Variants in APBA1 observed in about 807,000 individuals in gnomAD.
APBA1 encodes amyloid-beta A4 precursor protein-binding family A member 1.
In APBA1, 55 loss-of-function variants were observed where a neutral mutation model predicts 86.6. The observed-to-expected ratio is 0.64, with a 90% CI of 0.51 to 0.80. The LOEUF (loss-of-function observed/expected upper bound fraction) is 0.80, where lower values mean the gene tolerates loss of function less well. Ranked by LOEUF, APBA1 falls within the 30% of genes least tolerant of loss-of-function variation. The probability of loss-of-function intolerance (pLI) is 0.00; values close to 1 mark genes in which losing one functional copy is unlikely to be tolerated. For missense variants in APBA1, 1,090 were observed against 1,183.0 expected, an observed-to-expected ratio of 0.92 and a Z score of 1.15; for synonymous variants, 511 against 493.9, an observed-to-expected ratio of 1.03 and a Z score of -0.46.
chr9:69,534,426 G>A (rs181826060), intron 1 of APBA1, among the ~76,000 whole-genome samples: 11 of 152,272 alleles, frequency 7.2e-5, no homozygotes, highest in Admixed American at 7.2e-4. Context: ...CTTTTTCCAT[G>A]TTCTCTTTCA....
At chr9:69,521,661 G>A (rs1836254245) in intron 1 of APBA1, among the ~76,000 whole-genome samples, 1 of 152,226 alleles carries the variant, frequency 6.6e-6, no homozygotes, top group Non-Finnish European at 1.5e-5. Flanking sequence ...AAATGACTGA[G>A]GAGAGGACAT....
At chr9:69,470,924 G>A (rs1443494869) in intron 4 of APBA1, among the ~76,000 whole-genome samples, 2 of 152,160 alleles carry the variant, frequency 1.3e-5, no homozygotes, top group African/African-American at 4.8e-5. Flanking sequence ...TAGAGTAGGT[G>A]CCCTTGTGCA....
rs150687803 is a variant in APBA1, at chr9:69,600,368, G to A, written c.-70+71785C>T. Among the ~76,000 whole-genome samples the A allele has an allele frequency of 1.1e-3, 173 of 152,270 alleles. 1 individual carries two copies. The highest frequency in any genetic ancestry group is 4.0e-3 in the African/African-American group (168 of 41,552). The stretch of plus-strand genomic sequence containing the variant: ...CCTTTGCTTCCTCATCTGTAAAATG[G>A]GAGTGGTATGGTTTTTGTGAGAGTT... On this transcript the variant is annotated intron_variant, in intron 1 of 12. Coordinates refer to ENST00000265381, the MANE Select transcript of APBA1 (RefSeq NM_001163.4).
intron 1 of APBA1, among the ~76,000 whole-genome samples, chr9:69,634,053 A>G (rs2134000921): frequency 6.6e-6 from 1 of 152,320 alleles, no homozygotes; most frequent in East Asian, 1.9e-4. Flanking sequence ...CACACAATAA[A>G]GCACCTTCAT....
intron 11 of APBA1, among the ~76,000 whole-genome samples, chr9:69,440,098 G>T (rs1834786807): frequency 6.6e-6 from 1 of 152,184 alleles, no homozygotes; most frequent in Non-Finnish European, 1.5e-5. Context: ...CAGAACAGCG[G>T]ATATTGGTGA....
At chr9:69,452,648 G>C (rs1040190274) in intron 8 of APBA1, among the ~76,000 whole-genome samples, 1 of 152,218 alleles carries the variant, frequency 6.6e-6, no homozygotes, top group Admixed American at 6.5e-5. Flanking sequence ...GGACATTCAT[G>C]TGCATGCAAT....
chr9:69,666,395 C>T (rs566176771), intron 1 of APBA1, among the ~76,000 whole-genome samples: 4 of 152,150 alleles, frequency 2.6e-5, no homozygotes, highest in African/African-American at 7.2e-5. Flanking sequence ...CACCCCCCAC[C>T]CACCCACTAT....
At chr9:69,603,398 C>T (rs1313957587) in intron 1 of APBA1, among the ~76,000 whole-genome samples, 1 of 152,182 alleles carries the variant, frequency 6.6e-6, no homozygotes, top group African/African-American at 2.4e-5. Context: ...ACAGGCTTTG[C>T]AGGCTTTGAC....
chr9:69,646,951 C>G (rs1036391108), intron 1 of APBA1, among the ~76,000 whole-genome samples: 2 of 152,180 alleles, frequency 1.3e-5, no homozygotes, highest in Non-Finnish European at 2.9e-5. Flanking sequence ...ACGCAGGCTG[C>G]TGAATGGATT....
intron 1 of APBA1, among the ~76,000 whole-genome samples, chr9:69,525,270 G>C (rs1374027439): frequency 6.6e-6 from 1 of 152,078 alleles, no homozygotes; most frequent in African/African-American, 2.4e-5. Context: ...CATCAAAATA[G>C]GGAAAGAAGA....
intron 1 of APBA1, among the ~76,000 whole-genome samples, chr9:69,632,113 A>C (rs1019185252): frequency 6.6e-6 from 1 of 152,058 alleles, no homozygotes; most frequent in Non-Finnish European, 1.5e-5. Flanking sequence ...CTTTTCTCTG[A>C]ATAACACAGG....
intron 10 of APBA1, among the ~76,000 whole-genome samples, chr9:69,445,695 G>A (rs937178395): frequency 6.6e-6 from 1 of 152,108 alleles, no homozygotes; most frequent in African/African-American, 2.4e-5. Context: ...TATGCCTTGG[G>A]AATTAATTAT....
At chr9:69,491,614 AAAAAG>A (rs1308534388) in intron 2 of APBA1, among the ~76,000 whole-genome samples, 1 of 151,864 alleles carries the variant, frequency 6.6e-6, no homozygotes, top group Non-Finnish European at 1.5e-5. Flanking sequence ...TTAAAAAAAA[AAAAAG>A]AAAATCAATC....
At chr9:69,653,638 C>A (rs1823551913) in intron 1 of APBA1, among the ~76,000 whole-genome samples, 1 of 152,058 alleles carries the variant, frequency 6.6e-6, no homozygotes, top group Admixed American at 6.5e-5. Context: ...AACTAGAAAT[C>A]AATAACAGAA....
rs769262299 is a variant in APBA1 at position 69,517,164 on chromosome 9, G to A, written c.47C>T (p.Ala16Val). The change falls in exon 2 of 13, where the codon GCG (alanine) becomes GTG (valine). Residue 16 changes from alanine (A) to valine (V), a missense_variant. Coordinates refer to ENST00000265381, the MANE Select transcript of APBA1 (RefSeq NM_001163.4). Reference protein sequence around the residue: ...GSAEVEVTDEAAGGEVNESVE... With the variant: ...GSAEVEVTDEVAGGEVNESVE... ...CGACTCGTTCACCTCCCCACCTGCC[G>A]CCTCGTCGGTCACCTCCACCTCCGC... The A allele has an allele frequency of 1.0e-5, 16 of 1,555,348 alleles. No individual in the cohort carries two copies. Among genetic ancestry groups the A allele is most frequent in the East Asian group, 2.4e-5 (1 of 42,232 alleles).
Position 69,452,304 on chromosome 9 carries a change from G to T in APBA1, c.1789-3C>A, listed in dbSNP as rs2133809823. On this transcript the variant is annotated splice_polypyrimidine_tract_variant and splice_region_variant and intron_variant, in intron 8 of 12. Coordinates refer to ENST00000265381, the MANE Select transcript of APBA1 (RefSeq NM_001163.4). ...ATGGACTGTGCAATCAGCTGAGCCT[G>T]GAACAGCAGCCAGAGAGGAAAGATG... 6.2e-7 allele frequency: 1 copy of T among 1,613,854 alleles called. No homozygotes were observed. The highest frequency in any genetic ancestry group is 2.2e-5 in the East Asian group (1 of 44,870).
At chr9:69,531,770 G>T (rs755173332) in intron 1 of APBA1, among the ~76,000 whole-genome samples, 23 of 152,210 alleles carry the variant, frequency 1.5e-4, no homozygotes, top group Non-Finnish European at 2.9e-4. Context: ...TGGAGGAGGA[G>T]TTGGAAGAGG....
At chr9:69,499,740 G>GC (rs1835854064) in intron 2 of APBA1, among the ~76,000 whole-genome samples, 1 of 151,072 alleles carries the variant, frequency 6.6e-6, no homozygotes, top group Non-Finnish European at 1.5e-5. Context: ...GGCAATCAAG[G>GC]CCCCAGATGA....
At chr9:69,642,111 G>A (rs977146804) in intron 1 of APBA1, among the ~76,000 whole-genome samples, 2 of 152,322 alleles carry the variant, frequency 1.3e-5, no homozygotes, top group African/African-American at 4.8e-5. Context: ...AAAAGCAGAA[G>A]TTAATAATTT....
Sources: allele counts gnomAD v4.1 joint callset (sites outside exome capture counted in the v4.1 genomes callset), GRCh38; gene constraint gnomAD v4.1.1; transcripts MANE v1.5; gene names NCBI Gene and HGNC (gene_info 2026-07-23, HGNC 2026-07-21).